The following AHR variants were observed in gnomAD, a reference collection of about 807,000 sequenced individuals.
AHR encodes the protein aryl hydrocarbon receptor, also known as AH-receptor.
AHR carries 40 observed loss-of-function variants against 86.8 expected under a neutral mutation model. That is an observed-to-expected ratio of 0.46 (90% CI 0.36 to 0.60). The LOEUF is 0.60. AHR is among the 20% of genes least tolerant of loss of function. The pLI, the probability that AHR is intolerant of heterozygous loss-of-function variation, is 0.00. For synonymous variants in AHR, 398 were observed against 354.9 expected (o/e 1.12, Z -1.37); for missense variants, 1,001 against 1,011.6 (o/e 0.99, Z 0.14).
intron 2 of AHR, among the ~76,000 whole-genome samples, chr7:17,315,288 T>C (rs1373522881): frequency 6.6e-6 from 1 of 152,036 alleles, no homozygotes; most frequent in African/African-American, 2.4e-5. Flanking sequence ...ATTTATTAGA[T>C]TATATGAATA....
rs764940539 is a variant in AHR, at chr7:17,333,938, G to A, written c.732G>A (p.Lys244=). The A allele has an allele frequency of 2.5e-6, 4 of 1,613,084 alleles. No individual in the cohort carries two copies. Among genetic ancestry groups the A allele is most frequent in the Non-Finnish European group, 2.5e-6 (3 of 1,179,320 alleles). ...FLAMNFQGKL[K]YLHGQKKKGK... is the part of the protein sequence containing the mutation. The stretch of plus-strand genomic sequence containing the variant: ...CAATGAATTTCCAAGGGAAGTTAAA[G>A]TATCTTCATGGACAGAAAAAGAAAG... The change falls in exon 7 of 11, where the codon AAG becomes AAA. Residue 244 remains lysine (K), a synonymous_variant. Coordinates refer to ENST00000242057, the MANE Select transcript of AHR (RefSeq NM_001621.5).
Position 17,342,993 on chromosome 7 carries a change from C to G in AHR, c.2476C>G (p.His826Asp). The G allele has an allele frequency of 6.2e-7, 1 of 1,613,476 alleles. No homozygotes were observed. The highest frequency in any genetic ancestry group is 8.5e-7 in the Non-Finnish European group (1 of 1,179,394). Residue 826 changes from histidine to aspartate, a missense_variant, in exon 11 of 11, where the codon CAT becomes GAT. His to Asp is a moderately conservative substitution (Grantham distance 81, BLOSUM62 -1). Around this residue, in one of 2 missense-constraint regions of AHR, gnomAD observed 607 missense variants for 543.1 expected, o/e 1.12. Coordinates refer to ENST00000242057, the MANE Select transcript of AHR (RefSeq NM_001621.5). The stretch of plus-strand genomic sequence containing the variant: ...CATAAATAACACTCAGACTACCACA[C>G]ATCTTCAGCCACTTCATCATCCGTC... ...NNINNTQTTTHLQPLHHPSEA... is the reference protein window; with the variant it reads ...NNINNTQTTTDLQPLHHPSEA...
In AHR at chr7:17,322,534, G is replaced by T; in HGVS notation, c.287G>T (p.Gly96Val). 6.2e-7 allele frequency: 1 copy of T among 1,612,692 alleles called. No homozygotes were observed. Among genetic ancestry groups the T allele is most frequent in the Non-Finnish European group, 8.5e-7 (1 of 1,179,070 alleles). ...AAATCCTCCCCTACTGAAAGAAACG[G>T]AGGCCAGGATAACTGTAGAGCAGCA... Reference protein sequence around the residue: ...ALKSSPTERNGGQDNCRAANF... With the variant: ...ALKSSPTERNVGQDNCRAANF... The change falls in exon 3 of 11, where the codon GGA (glycine) becomes GTA (valine). Residue 96 changes from glycine to valine, a missense_variant. By Grantham distance (109) the Gly-to-Val change is moderately radical (BLOSUM62 -3). This residue lies in a region of AHR where 394 missense variants were observed against 468.5 expected (regional missense o/e 0.84). Coordinates refer to ENST00000242057, the MANE Select transcript of AHR (RefSeq NM_001621.5).
rs1781914542 is a variant in AHR, at chr7:17,298,653, G to C, written c.-612G>C. 5.1e-6 allele frequency: 2 copies of C among 393,866 alleles called. No homozygotes were observed. The highest frequency in any genetic ancestry group is 8.9e-6 in the Non-Finnish European group (2 of 223,702). 24.4% of individuals were successfully genotyped at this position (393,866 alleles called of 1,614,324 possible). A position where few individuals can be genotyped will look rare whatever the true frequency, so the allele number is the denominator to read the frequency against. On this transcript the variant is annotated 5_prime_UTR_variant, in exon 1 of 11. Coordinates refer to ENST00000242057, the MANE Select transcript of AHR (RefSeq NM_001621.5). ...CCGGTGCGCGCGGCGGCGGGAGGCA[G>C]TGGCTGGGGAGTCCCGTCGACGCTC...
intron 9 of AHR, 81 bp from the exon 10 acceptor site, chr7:17,338,905 A>G (rs1450115454): frequency 1.5e-5 from 20 of 1,317,282 alleles, no homozygotes; most frequent in Non-Finnish European, 2.0e-5. Flanking sequence ...ATTTTGCTTT[A>G]TGTTTTTCTT....
At chr7:17,329,916 T>A in intron 4 of AHR, 36 bp from the exon 5 acceptor site, 2 of 1,574,642 alleles carry the variant, frequency 1.3e-6, no homozygotes, top group East Asian at 2.3e-5. Flanking sequence ...TTTTAATCAG[T>A]CCTTTTGTTG....
chr7:17,327,813 T>G lies in AHR; in HGVS notation c.415T>G (p.Ser139Ala). The change falls in exon 4 of 11, where the codon TCT (serine) becomes GCT (alanine). Residue 139 changes from serine to alanine, a missense_variant. Around this residue, in one of 2 missense-constraint regions of AHR, gnomAD observed 394 missense variants for 468.5 expected, o/e 0.84. Transcript: ENST00000242057. The part of the protein sequence containing the change: ...VTTDALVFYA[S>A]STIQDYLGFQ... ...TACAGATGCTTTGGTCTTTTATGCTTCTTCTACTATACAAGATTATCTAGG... is the reference window on the plus strand; with the variant it reads ...TACAGATGCTTTGGTCTTTTATGCTGCTTCTACTATACAAGATTATCTAGG... 3 of 1,572,632 alleles carry G rather than the reference T, an allele frequency of 1.9e-6. No individual in the cohort carries two copies. The highest frequency in any genetic ancestry group is 4.5e-5 in the East Asian group (2 of 44,140).
rs1782398403 is a variant in AHR at position 17,339,749 on chromosome 7, A to G, written c.1924A>G (p.Met642Val). The G allele has an allele frequency of 1.2e-6, 2 of 1,614,204 alleles. No homozygotes were observed. Among genetic ancestry groups the G allele is most frequent in the African/African-American group, 2.7e-5 (2 of 75,060 alleles). ...GCCACAGCAACAGCTGTGTCAGAAGATGAAGCACATGCAAGTTAATGGCAT... is the reference window on the plus strand; with the variant it reads ...GCCACAGCAACAGCTGTGTCAGAAGGTGAAGCACATGCAAGTTAATGGCAT... ...VEPQQQLCQK[M>V]KHMQVNGMFE... Residue 642 changes from methionine to valine, a missense_variant, in exon 10 of 11, where the codon ATG becomes GTG. This residue lies in a region of AHR where 607 missense variants were observed against 543.1 expected (regional missense o/e 1.12). Coordinates refer to ENST00000242057, the MANE Select transcript of AHR (RefSeq NM_001621.5).
intron 6 of AHR, 129 bp from the exon 7 acceptor site, chr7:17,333,783 T>C (rs1782326173): frequency 7.3e-6 from 5 of 686,392 alleles, no homozygotes; most frequent in African/African-American, 1.8e-5. Context: ...AAACTAACAG[T>C]TCTCAGCTTC....
At chr7:17,317,128 T>TG (rs1354454053) in intron 2 of AHR, among the ~76,000 whole-genome samples, 8 of 150,592 alleles carry the variant, frequency 5.3e-5, no homozygotes, top group African/African-American at 1.7e-4. Context: ...TTTTTTTTTT[T>TG]TTTTTGAATA....
intron 2 of AHR, among the ~76,000 whole-genome samples, chr7:17,315,059 CATG>C (rs1782101713): frequency 6.6e-6 from 1 of 151,974 alleles, no homozygotes; most frequent in Non-Finnish European, 1.5e-5. Flanking sequence ...TTACAATATT[CATG>C]ATAACTTTCA....
At chr7:17,335,912 G>T (rs1782350194) in intron 9 of AHR, 126 bp downstream of exon 9, 1 of 977,264 alleles carries the variant, frequency 1.0e-6, no homozygotes, top group African/African-American at 1.7e-5. Flanking sequence ...AATTCATCTA[G>T]AAAGAAGAGC....
In AHR at chr7:17,339,536, G is replaced by T; in HGVS notation, c.1711G>T (p.Asp571Tyr). ...CAGAAATGATTTTTCTGGTGAGGTTGACTTCAGAGACATTGACTTAACGGA... is the reference window on the plus strand; with the variant it reads ...CAGAAATGATTTTTCTGGTGAGGTTTACTTCAGAGACATTGACTTAACGGA... ...FFRNDFSGEV[D>Y]FRDIDLTDEI... is the part of the protein sequence containing the mutation. The change falls in exon 10 of 11, where the codon GAC becomes TAC. Residue 571 changes from aspartate (D) to tyrosine (Y), a missense_variant. Physicochemically the swap from Asp to Tyr is radical, Grantham distance 160. This residue lies in a region of AHR where 607 missense variants were observed against 543.1 expected (regional missense o/e 1.12). Coordinates refer to ENST00000242057, the MANE Select transcript of AHR (RefSeq NM_001621.5). 1 of 1,614,130 alleles carries T rather than the reference G, an allele frequency of 6.2e-7. No individual in the cohort carries two copies. Among genetic ancestry groups the T allele is most frequent in the South Asian group, 1.1e-5 (1 of 91,044 alleles).
chr7:17,322,273 A>G (rs549679422), intron 2 of AHR, among the ~76,000 whole-genome samples: 1 of 152,144 alleles, frequency 6.6e-6, no homozygotes, highest in African/African-American at 2.4e-5. Flanking sequence ...TCAGCTGACA[A>G]CTTGACTAAA....
Position 17,327,012 on chromosome 7 carries a change from G to A in AHR, c.361-747G>A, listed in dbSNP as rs185943782. Among the ~76,000 whole-genome samples the A allele has an allele frequency of 9.2e-5, 14 of 152,136 alleles. No individual in the cohort carries two copies. The East Asian group carries it at 2.7e-3, about 29-fold the overall frequency. Reference sequence around the variant, plus strand: ...GTTGATATTGGACTTGAATTATCCAGTAATAGGAAAAGAAACTATAACATC... The same window carrying A: ...GTTGATATTGGACTTGAATTATCCAATAATAGGAAAAGAAACTATAACATC... On this transcript the variant is annotated intron_variant, in intron 3 of 10. Transcript: ENST00000242057.
Position 17,330,056 on chromosome 7 carries a change from G to T in AHR, c.555G>T (p.Glu185Asp). ...HWALNPSQCT[E>D]SGQGIEEATG... ...CATTAAATCCTTCTCAGTGTACAGA[G>T]TCTGGACAAGGAATTGAAGGTAAGA... The change falls in exon 5 of 11, where the codon GAG becomes GAT. Residue 185 changes from glutamate (E) to aspartate (D), a missense_variant. Physicochemically the swap from Glu to Asp is conservative, Grantham distance 45. This residue lies in a region of AHR where 394 missense variants were observed against 468.5 expected (regional missense o/e 0.84). Transcript: ENST00000242057. The T allele has an allele frequency of 6.2e-7, 1 of 1,608,782 alleles. No homozygotes were observed. Among genetic ancestry groups the T allele is most frequent in the South Asian group, 1.1e-5 (1 of 90,400 alleles).
At chr7:17,322,389 C>G in intron 2 of AHR, 112 bp from the exon 3 acceptor site, 1 of 666,862 alleles carries the variant, frequency 1.5e-6, no homozygotes, top group Non-Finnish European at 2.6e-6. Context: ...ACTAAAAATA[C>G]CAGTGGATGC....
In AHR at chr7:17,340,134, C is replaced by G; in HGVS notation, c.2309C>G (p.Ser770Trp). Reference protein sequence around the residue: ...TPQTCYAGAVSMYQCQPEPQH... With the variant: ...TPQTCYAGAVWMYQCQPEPQH... ...CAGACATGTTATGCTGGGGCCGTGT[C>G]GATGTATCAGTGCCAGCCAGAACCT... is the stretch of plus-strand genomic sequence containing the variant. Residue 770 changes from serine (S) to tryptophan (W), a missense_variant, in exon 10 of 11, where the codon TCG becomes TGG. Ser to Trp is a radical substitution (Grantham distance 177). Transcript: ENST00000242057. The G allele has an allele frequency of 3.1e-6, 5 of 1,614,154 alleles. No homozygotes were observed. Among genetic ancestry groups the G allele is most frequent in the Non-Finnish European group, 4.2e-6 (5 of 1,180,024 alleles).
At chr7:17,316,801 C>T (rs181759163) in intron 2 of AHR, among the ~76,000 whole-genome samples, 23 of 152,138 alleles carry the variant, frequency 1.5e-4, no homozygotes, top group Middle Eastern at 3.4e-3. Flanking sequence ...GGAGACATTT[C>T]ATCTCTTTAT....
Sources: allele counts gnomAD v4.1 joint callset (sites outside exome capture counted in the v4.1 genomes callset), GRCh38; gene constraint gnomAD v4.1.1; regional missense constraint gnomAD v4.1.1; transcripts MANE v1.5; gene names NCBI Gene and HGNC (gene_info 2026-07-23, HGNC 2026-07-21).